CD8B: variants seen among roughly 807,000 people sequenced by gnomAD.
CD8B encodes the protein T-cell surface glycoprotein CD8 beta chain.
A neutral mutation model predicts 24.2 loss-of-function variants in CD8B; 6 were observed. That is an observed-to-expected ratio of 0.25 (90% CI 0.14 to 0.49). CD8B has a LOEUF of 0.49. Among genes scored for constraint, CD8B ranks in the 20% least tolerant of loss-of-function variants. The pLI is 0.98. For synonymous variants in CD8B, 84 were observed against 108.3 expected (o/e 0.78, Z 1.39); for missense variants, 196 against 271.3 (o/e 0.72, Z 1.95).
At chr2:86,859,264 G>C (rs1676450506) in intron 1 of CD8B, among the ~76,000 whole-genome samples, 1 of 152,038 alleles carries the variant, frequency 6.6e-6, no homozygotes, top group African/African-American at 2.4e-5. Flanking sequence ...TTCCCCAGTG[G>C]AAGGACAGAC....
chr2:86,849,272 T>C (rs1675854123), intron 3 of CD8B, among the ~76,000 whole-genome samples: 1 of 151,916 alleles, frequency 6.6e-6, no homozygotes, highest in African/African-American at 2.4e-5. Flanking sequence ...CAAGGCTGGA[T>C]GGCTGGGGTG....
At position 86,829,185 on chromosome 2, in the gene CD8B, C is replaced by T. The variant is rs1226832917; in HGVS notation, c.621-13467G>A. Among the ~76,000 whole-genome samples the T allele has an allele frequency of 4.8e-5, 7 of 147,210 alleles. No individual in the cohort carries two copies. In the South Asian group the frequency reaches 6.5e-4, roughly 14 times the overall value. On this transcript the variant is annotated intron_variant, in intron 5 of 5. Transcript: ENST00000331469. ...TGTGATCTTAGCTCACTGCAACCTC[C>T]GCCTCCTGGGTTTAAGCGATTTCCC...
chr2:86,825,199 G>A (rs550734666), intron 5 of CD8B, among the ~76,000 whole-genome samples: 3 of 152,260 alleles, frequency 2.0e-5, no homozygotes, highest in South Asian at 4.1e-4. Context: ...GGTGTGGGGG[G>A]TGTGCTGCTG....
In CD8B at chr2:86,839,968, G is replaced by T. The variant is rs1229424584; in HGVS notation, c.*2339C>A. Among the ~76,000 whole-genome samples, 2 of 152,196 alleles carry T rather than the reference G, an allele frequency of 1.3e-5. No individual in the cohort carries two copies. The highest frequency in any genetic ancestry group is 1.3e-4 in the Admixed American group (2 of 15,278). On this transcript the variant is annotated 3_prime_UTR_variant, in exon 6 of 6. Coordinates refer to ENST00000390655, the MANE Select transcript of CD8B (RefSeq NM_004931.5). ...TCACCCCTCCCCTCAGCCTTGGAAG[G>T]CAGCCTGTCCCTTGTCCTCAGAGCT...
chr2:86,853,893 C>T (rs1676100645), intron 2 of CD8B, among the ~76,000 whole-genome samples: 1 of 151,972 alleles, frequency 6.6e-6, no homozygotes, highest in East Asian at 1.9e-4. Flanking sequence ...CGTCGTGCCA[C>T]TGCATTCGTC....
At chr2:86,834,766 C>A (rs1318935993), downstream of CD8B, among the ~76,000 whole-genome samples, 1 of 152,016 alleles carries the variant, frequency 6.6e-6, no homozygotes, top group Admixed American at 6.6e-5. Context: ...GAAACCCCGT[C>A]TCTACTAAAA....
chr2:86,820,166 G>C lies in CD8B; in HGVS notation c.621-4448C>G, dbSNP rs1462032445. Among the ~76,000 whole-genome samples the C allele has an allele frequency of 2.0e-5, 3 of 152,226 alleles. No individual in the cohort carries two copies. In the East Asian group the frequency reaches 5.8e-4, roughly 29 times the overall value. ...TCCTGGTGAAGATGGTGTGAACATT[G>C]TTGAAATGACAACAGAAGATAGAGA... On this transcript the variant is annotated intron_variant, in intron 5 of 5. Transcript: ENST00000331469.
chr2:86,820,146 G>A (rs1674403487), intron 5 of CD8B, among the ~76,000 whole-genome samples: 1 of 152,220 alleles, frequency 6.6e-6, no homozygotes, highest in Admixed American at 6.5e-5. Flanking sequence ...TCTACTCCTG[G>A]TGAAGATGGT....
Position 86,852,977 on chromosome 2 carries a change from C to G in CD8B, c.493+20G>C, listed in dbSNP as rs1167290475. On this transcript the variant is annotated intron_variant, in intron 3 of 5. Coordinates refer to ENST00000390655, the MANE Select transcript of CD8B (RefSeq NM_004931.5). Reference sequence around the variant, plus strand: ...GATGTCTGCCTTGTTTCTGAGGGTGCAGAGGGATAGGGAACTCACCCTTCT... The same window carrying G: ...GATGTCTGCCTTGTTTCTGAGGGTGGAGAGGGATAGGGAACTCACCCTTCT... The G allele has an allele frequency of 6.7e-7, 1 of 1,492,466 alleles. No homozygotes were observed. The highest frequency in any genetic ancestry group is 9.0e-7 in the Non-Finnish European group (1 of 1,104,974). 92.5% of individuals were successfully genotyped at this position (1,492,466 alleles called of 1,614,324 possible).
chr2:86,843,939 C>G (rs1675550949), intron 5 of CD8B, among the ~76,000 whole-genome samples: 1 of 152,206 alleles, frequency 6.6e-6, no homozygotes, highest in Non-Finnish European at 1.5e-5. Context: ...ACCTGTTGCC[C>G]TCTTCAATTT....
rs1333010942 is a variant in CD8B, at chr2:86,838,251, C to G, written c.*4056G>C. Among the ~76,000 whole-genome samples, 1 of 152,088 alleles carries G rather than the reference C, an allele frequency of 6.6e-6. No homozygotes were observed. Among genetic ancestry groups the G allele is most frequent in the Non-Finnish European group, 1.5e-5 (1 of 68,022 alleles). On this transcript the variant is annotated 3_prime_UTR_variant, in exon 6 of 6. Transcript: ENST00000390655. ...AATTCACACAAGGAACTGTACAAAGCAGAAGTGGAAATTCCGCAGAGTAAC... is the reference window on the plus strand; with the variant it reads ...AATTCACACAAGGAACTGTACAAAGGAGAAGTGGAAATTCCGCAGAGTAAC...
At chr2:86,818,222 A>T (rs1193109749) in intron 5 of CD8B, among the ~76,000 whole-genome samples, 4 of 151,906 alleles carry the variant, frequency 2.6e-5, no homozygotes, top group African/African-American at 9.7e-5. Flanking sequence ...ATAAATAAAT[A>T]AATAAAAATA....
At chr2:86,828,693 T>C (rs1295555281) in intron 5 of CD8B, among the ~76,000 whole-genome samples, 1 of 152,156 alleles carries the variant, frequency 6.6e-6, no homozygotes, top group South Asian at 2.1e-4. Flanking sequence ...CATGTGCCTT[T>C]TTAAGGAAAA....
chr2:86,825,261 G>A (rs183922058), intron 5 of CD8B, among the ~76,000 whole-genome samples: 2 of 152,308 alleles, frequency 1.3e-5, no homozygotes, highest in Admixed American at 6.5e-5. Context: ...AGGGGCAGGT[G>A]TGCAGGTGGT....
chr2:86,856,956 GCTT>G (rs1676297006), intron 2 of CD8B, among the ~76,000 whole-genome samples: 1 of 152,070 alleles, frequency 6.6e-6, no homozygotes, highest in Non-Finnish European at 1.5e-5. Context: ...AATTTTACTT[GCTT>G]CTTTTTGCTT....
chr2:86,836,672 C>T (rs1292632399), downstream of CD8B, among the ~76,000 whole-genome samples: 1 of 152,002 alleles, frequency 6.6e-6, no homozygotes, highest in African/African-American at 2.4e-5. Context: ...CCTGTAGTCC[C>T]AGCTACTTGC....
At chr2:86,818,921 G>A (rs909296996) in intron 5 of CD8B, among the ~76,000 whole-genome samples, 7 of 152,190 alleles carry the variant, frequency 4.6e-5, no homozygotes, top group African/African-American at 1.7e-4. Context: ...GAAATTAAAA[G>A]TACTAATCCA....
rs564761346 is a variant in CD8B at position 86,817,749 on chromosome 2, G to A, written c.621-2031C>T. Among the ~76,000 whole-genome samples the A allele has an allele frequency of 2.0e-5, 3 of 152,298 alleles. No homozygotes were observed. The East Asian group carries it at 5.8e-4, about 29-fold the overall frequency. On this transcript the variant is annotated intron_variant, in intron 5 of 5. Coordinates refer to the CD8B transcript ENST00000331469. ...AAACATTTTATTGCTTGAAATAAAA[G>A]ACTGAAGCAAATTTGGCAAAAGTTA... is the stretch of plus-strand genomic sequence containing the variant.
chr2:86,849,353 TG>T, intron 3 of CD8B, among the ~76,000 whole-genome samples: 1 of 151,948 alleles, frequency 6.6e-6, no homozygotes, highest in South Asian at 2.1e-4. Flanking sequence ...GGGCATCTGC[TG>T]GGCTCCCTCT....
Sources: gnomAD v4.1 joint callset for allele counts (sites outside exome capture counted in the v4.1 genomes callset) on GRCh38, gnomAD v4.1.1 for gene constraint, MANE v1.5 for transcripts, NCBI Gene and HGNC (gene_info 2026-07-23, HGNC 2026-07-21) for gene names.